Variants in APAF1 observed in about 807,000 individuals in gnomAD.
APAF1 encodes apoptotic peptidase activating factor 1, also known as apoptotic protease-activating factor 1.
In APAF1, 91 loss-of-function variants were observed where a neutral mutation model predicts 152.4. That is an observed-to-expected ratio of 0.60 (90% CI 0.50 to 0.71). The LOEUF (loss-of-function observed/expected upper bound fraction) is 0.71. APAF1 is among the 30% of genes least tolerant of loss of function. The pLI is 0.00. For missense variants in APAF1, 1,283 were observed against 1,472.0 expected (o/e 0.87, Z 2.10); for synonymous variants, 484 against 494.1 (o/e 0.98, Z 0.27).
At position 98,734,944 on chromosome 12, in the gene APAF1, C is replaced by G. The variant is rs923798637; in HGVS notation, c.*2378C>G. ...AGGTTTTAAAAAGCCTTGAATGGCC[C>G]TTGTCTTAAAAAGAAATTAGGAGCC... is the stretch of plus-strand genomic sequence containing the variant. On this transcript the variant is annotated 3_prime_UTR_variant, in exon 27 of 27. Coordinates refer to ENST00000551964, the MANE Select transcript of APAF1 (RefSeq NM_181861.2). 1 of 365,480 alleles carries G rather than the reference C, an allele frequency of 2.7e-6. No individual in the cohort carries two copies. Among genetic ancestry groups the G allele is most frequent in the Non-Finnish European group, 4.8e-6 (1 of 206,628 alleles). The allele number at this position is 365,480 out of a possible 1,614,324, so 22.6% of individuals were successfully genotyped here. A position where few individuals can be genotyped will look rare whatever the true frequency, so the allele number is the denominator to read the frequency against.
chr12:98,729,758 G>T (rs2097757567), intron 26 of APAF1, among the ~76,000 whole-genome samples: 1 of 152,156 alleles, frequency 6.6e-6, no homozygotes, highest in Non-Finnish European at 1.5e-5. Context: ...TGAATGACTG[G>T]TGTTTTGGTT....
At chr12:98,730,682 A>G (rs1250614470) in intron 26 of APAF1, among the ~76,000 whole-genome samples, 1 of 152,192 alleles carries the variant, frequency 6.6e-6, no homozygotes, top group Non-Finnish European at 1.5e-5. Flanking sequence ...GCCTGCATCT[A>G]CCCAGCATGT....
At position 98,732,981 on chromosome 12, in the gene APAF1, T is replaced by G. The variant is rs2097764449; in HGVS notation, c.*415T>G. On this transcript the variant is annotated 3_prime_UTR_variant, in exon 27 of 27. Coordinates refer to ENST00000551964, the MANE Select transcript of APAF1 (RefSeq NM_181861.2). ...CAGTGGCCTGCTTTTTGAACCACAC[T>G]TACCCCAAGGGGGTTTTGTTCTCCT... 5.0e-6 allele frequency: 1 copy of G among 201,522 alleles called. No homozygotes were observed. Among genetic ancestry groups the G allele is most frequent in the Admixed American group, 5.6e-5 (1 of 17,848 alleles). The allele number at this position is 201,522 out of a possible 1,614,324, so 12.5% of individuals were successfully genotyped here.
chr12:98,655,801 T>C (rs2097656660), intron 4 of APAF1, among the ~76,000 whole-genome samples: 2 of 151,136 alleles, frequency 1.3e-5, no homozygotes, highest in Non-Finnish European at 3.0e-5. Flanking sequence ...TTTTTTTTTT[T>C]GAGACAGAGT....
chr12:98,706,512 G>T lies in APAF1; in HGVS notation c.2623G>T (p.Val875Leu). 2 of 1,614,014 alleles carry T rather than the reference G, an allele frequency of 1.2e-6. No individual in the cohort carries two copies. The highest frequency in any genetic ancestry group is 3.3e-4 in the Middle Eastern group (2 of 6,058). The change falls in exon 19 of 27, where the codon GTG becomes TTG. Residue 875 changes from valine to leucine, a missense_variant. Coordinates refer to ENST00000551964, the MANE Select transcript of APAF1 (RefSeq NM_181861.2). ...GTGGAATACAGACTCACGTTCAAAG[G>T]TGGCTGATTGCAGAGGACATTTAAG... ...ELWNTDSRSK[V>L]ADCRGHLSWV...
intron 4 of APAF1, among the ~76,000 whole-genome samples, chr12:98,656,862 C>T (rs868269509): frequency 6.6e-6 from 1 of 152,182 alleles, no homozygotes; most frequent in Non-Finnish European, 1.5e-5. Context: ...CTCCCTTCTC[C>T]AGCTGAATGC....
At chr12:98,719,140 A>C (rs2097738543) in intron 22 of APAF1, among the ~76,000 whole-genome samples, 2 of 152,110 alleles carry the variant, frequency 1.3e-5, no homozygotes, top group Admixed American at 6.5e-5. Flanking sequence ...TCCAGACTGT[A>C]CCTCACACTC....
rs144417276 is a variant in APAF1 at position 98,674,332 on chromosome 12, A to G, written c.1793+2613A>G. Among the ~76,000 whole-genome samples the G allele has an allele frequency of 2.4e-3, 369 of 152,276 alleles. 3 individuals carry two copies. Among genetic ancestry groups the G allele is most frequent in the African/African-American group, 8.4e-3 (351 of 41,556 alleles). ...AATACATTCCTGATTAAGACAAAAA[A>G]CAATAGTAATAGGATGTAAGATGAA... is the stretch of plus-strand genomic sequence containing the variant. On this transcript the variant is annotated intron_variant, in intron 12 of 26. Coordinates refer to ENST00000551964, the MANE Select transcript of APAF1 (RefSeq NM_181861.2).
intron 4 of APAF1, among the ~76,000 whole-genome samples, chr12:98,658,876 C>A (rs12099502): frequency 0.013 from 1,953 of 152,286 alleles, 37 homozygotes; most frequent in African/African-American, 0.045. Context: ...GTGCAGTGAT[C>A]ACTGACAACA....
At chr12:98,675,876 G>T (rs1379099950) in intron 12 of APAF1, among the ~76,000 whole-genome samples, 1 of 152,196 alleles carries the variant, frequency 6.6e-6, no homozygotes, top group Non-Finnish European at 1.5e-5. Flanking sequence ...TTTATCACTT[G>T]ATCTGTCTTG....
At chr12:98,728,214 C>A in intron 26 of APAF1, among the ~76,000 whole-genome samples, 1 of 152,056 alleles carries the variant, frequency 6.6e-6, no homozygotes, top group Non-Finnish European at 1.5e-5. Context: ...TTTTCCATGT[C>A]ATTCACAATT....
chr12:98,692,694 C>T (rs2097705622), intron 16 of APAF1, among the ~76,000 whole-genome samples: 1 of 152,212 alleles, frequency 6.6e-6, no homozygotes, highest in East Asian at 1.9e-4. Context: ...TGGCCTCCAG[C>T]TGCATTCATG....
chr12:98,662,180 G>A (rs2097666324), intron 5 of APAF1, among the ~76,000 whole-genome samples: 2 of 135,516 alleles, frequency 1.5e-5, no homozygotes, highest in Non-Finnish European at 3.2e-5. Flanking sequence ...CTCAGTAAGT[G>A]ATGGCTGAAC....
Position 98,656,608 on chromosome 12 carries a change from A to G in APAF1, c.527-2552A>G, listed in dbSNP as rs140386258. On this transcript the variant is annotated intron_variant, in intron 4 of 26. Transcript: ENST00000551964. ...ATCTAAGTCTTCTTCTGTCATTCCT[A>G]TGTGTTTCTGCCATACCCTGTAGAA... is the stretch of plus-strand genomic sequence containing the variant. Among the ~76,000 whole-genome samples, 473 of 152,178 alleles carry G rather than the reference A, an allele frequency of 3.1e-3. 4 individuals are homozygous for G. The highest frequency in any genetic ancestry group is 0.011 in the African/African-American group (455 of 41,512).
chr12:98,683,723 C>T (rs1265553308), intron 15 of APAF1, among the ~76,000 whole-genome samples: 1 of 152,144 alleles, frequency 6.6e-6, no homozygotes, highest in Admixed American at 6.5e-5. Flanking sequence ...GCTAGGGTAA[C>T]CCCAGTGGAC....
At chr12:98,668,527 T>C (rs1441189622) in intron 10 of APAF1, among the ~76,000 whole-genome samples, 1 of 152,178 alleles carries the variant, frequency 6.6e-6, no homozygotes, top group Non-Finnish European at 1.5e-5. Context: ...ATTTATTATA[T>C]TTCAGTGGGT....
chr12:98,662,558 T>G lies in APAF1; in HGVS notation c.813T>G (p.Asp271Glu). ...CAACCAGAGACAAGAGTGTTACAGA[T>G]TCAGTAATGGGTAAGGATTATTCGT... ...LLTTRDKSVT[D>E]SVMGPKYVVP... The change falls in exon 6 of 27, where the codon GAT (aspartate) becomes GAG (glutamate). Residue 271 changes from aspartate to glutamate, a missense_variant. By Grantham distance (45) the Asp-to-Glu change is conservative. Coordinates refer to ENST00000551964, the MANE Select transcript of APAF1 (RefSeq NM_181861.2). 6.2e-7 allele frequency: 1 copy of G among 1,612,380 alleles called. No individual in the cohort carries two copies.
At chr12:98,687,562 C>T (rs151308317) in intron 16 of APAF1, among the ~76,000 whole-genome samples, 45 of 151,756 alleles carry the variant, frequency 3.0e-4, no homozygotes, top group African/African-American at 1.0e-3. Context: ...TTATTTCTTA[C>T]AGTTCTGGGG....
chr12:98,679,008 C>A (rs899361576), intron 13 of APAF1, among the ~76,000 whole-genome samples: 5 of 152,290 alleles, frequency 3.3e-5, no homozygotes, highest in African/African-American at 1.2e-4. Context: ...GGCGGGTCAC[C>A]AATGAGGCCC....
Sources: gnomAD v4.1 joint callset for allele counts (sites outside exome capture counted in the v4.1 genomes callset) on GRCh38, gnomAD v4.1.1 for gene constraint, MANE v1.5 for transcripts, NCBI Gene and HGNC (gene_info 2026-07-23, HGNC 2026-07-21) for gene names.